The following SDK1 variants were observed in gnomAD, a reference collection of about 807,000 sequenced individuals.
SDK1 encodes the protein sidekick cell adhesion molecule 1, also known as protein sidekick-1.
A neutral mutation model predicts 245.5 loss-of-function variants in SDK1; 157 were observed. That is an observed-to-expected ratio of 0.64 (90% CI 0.56 to 0.73). The LOEUF is 0.73. Ranked by LOEUF, SDK1 falls within the 30% of genes least tolerant of loss-of-function variation. The pLI is 0.00. For missense variants in SDK1, 3,583 were observed against 3,002.3 expected (o/e 1.19, Z -4.52); for synonymous variants, 1,647 against 1,278.5 (o/e 1.29, Z -6.15).
At chr7:4,235,657 C>T (rs540991549) in intron 41 of SDK1, among the ~76,000 whole-genome samples, 22 of 152,332 alleles carry the variant, frequency 1.4e-4, no homozygotes, top group Admixed American at 4.6e-4. Context: ...AGAGCAATTA[C>T]ACATGCACAG....
intron 1 of SDK1, among the ~76,000 whole-genome samples, chr7:3,491,529 C>G (rs909881327): frequency 2.0e-5 from 3 of 152,180 alleles, no homozygotes; most frequent in African/African-American, 7.2e-5. Flanking sequence ...ATTTCTTTTT[C>G]CCCTATTCAT....
chr7:3,833,248 T>C (rs1210951835), intron 5 of SDK1, among the ~76,000 whole-genome samples: 1 of 152,186 alleles, frequency 6.6e-6, no homozygotes, highest in Non-Finnish European at 1.5e-5. Context: ...AAGTCAGTAA[T>C]GGCGAGCATC....
At chr7:3,575,284 A>C (rs976390997) in intron 1 of SDK1, among the ~76,000 whole-genome samples, 4 of 152,094 alleles carry the variant, frequency 2.6e-5, no homozygotes, top group African/African-American at 9.6e-5. Context: ...GACAGCACGC[A>C]TGAATTCTCT....
At chr7:3,554,808 A>G (rs977191270) in intron 1 of SDK1, among the ~76,000 whole-genome samples, 3 of 152,216 alleles carry the variant, frequency 2.0e-5, no homozygotes, top group African/African-American at 4.8e-5. Flanking sequence ...ACAATCTGAA[A>G]AAAGAAATCA....
intron 35 of SDK1, among the ~76,000 whole-genome samples, chr7:4,191,811 A>G (rs553966046): frequency 2.2e-4 from 34 of 152,206 alleles, no homozygotes; most frequent in African/African-American, 7.2e-4. Context: ...CCCACAGAGG[A>G]GGGAAGCGCC....
chr7:3,786,916 C>G (rs1780918604), intron 4 of SDK1, among the ~76,000 whole-genome samples: 1 of 152,206 alleles, frequency 6.6e-6, no homozygotes, highest in African/African-American at 2.4e-5. Flanking sequence ...AGTCATATTA[C>G]TGGAGCTCCA....
In SDK1 at chr7:4,194,322, ATGCACGTATG is replaced by A. The variant is rs1490171569; in HGVS notation, c.5099-11554_5099-11545del. On this transcript the variant is annotated intron_variant, in intron 35 of 44. Transcript: ENST00000404826. ...TGTGTATACATGTATACATATATGT[ATGCACGTATG>A]TGTATACATGTATAGATATATGTAT... Among the ~76,000 whole-genome samples, 194 of 138,952 alleles carry A rather than the reference ATGCACGTATG, an allele frequency of 1.4e-3. 9 individuals carry two copies. Among genetic ancestry groups the A allele is most frequent in the African/African-American group, 2.2e-3 (77 of 34,224 alleles). The allele number at this position is 138,952 out of a possible 152,430, so 91.2% of individuals were successfully genotyped here.
At position 3,496,071 on chromosome 7, in the gene SDK1, C is replaced by T. The variant is rs537617287; in HGVS notation, c.299-123009C>T. On this transcript the variant is annotated intron_variant, in intron 1 of 44. Coordinates refer to ENST00000404826, the MANE Select transcript of SDK1 (RefSeq NM_152744.4). The stretch of plus-strand genomic sequence containing the variant: ...CTTTTTCCCAGGAGAGAGCTGATAA[C>T]GGTCTTTAAGAGCTTGGACCCTGGA... 7.9e-5 allele frequency among the ~76,000 whole-genome samples: 12 copies of T among 152,216 alleles called. No homozygotes were observed. In the South Asian group the frequency reaches 8.3e-4, roughly 11 times the overall value.
At chr7:3,911,922 C>T (rs570604637) in intron 5 of SDK1, among the ~76,000 whole-genome samples, 10 of 152,064 alleles carry the variant, frequency 6.6e-5, no homozygotes, top group South Asian at 2.1e-4. Context: ...GCTGTGGAGA[C>T]GTTTGACTTG....
chr7:3,752,989 C>T (rs1779817128), intron 4 of SDK1, among the ~76,000 whole-genome samples: 1 of 152,160 alleles, frequency 6.6e-6, no homozygotes, highest in Admixed American at 6.5e-5. Flanking sequence ...TATTTCTCCA[C>T]CCTGAAAGAT....
intron 4 of SDK1, among the ~76,000 whole-genome samples, chr7:3,650,841 T>A (rs1782992130): frequency 1.4e-5 from 2 of 138,968 alleles, no homozygotes; most frequent in South Asian, 2.4e-4. Flanking sequence ...TTTTTTTTTT[T>A]AACTTAGTAT....
At chr7:3,386,347 T>G (rs1395846001) in intron 1 of SDK1, among the ~76,000 whole-genome samples, 1 of 152,206 alleles carries the variant, frequency 6.6e-6, no homozygotes, top group Non-Finnish European at 1.5e-5. Flanking sequence ...ATATTTTATG[T>G]AAAACAAAGA....
At chr7:3,479,172 A>C (rs1781434013) in intron 1 of SDK1, among the ~76,000 whole-genome samples, 1 of 152,124 alleles carries the variant, frequency 6.6e-6, no homozygotes, top group Non-Finnish European at 1.5e-5. Flanking sequence ...TTGTAATCCT[A>C]GCACTTTGGG....
chr7:3,613,822 G>A (rs1165986459), intron 1 of SDK1, among the ~76,000 whole-genome samples: 1 of 152,182 alleles, frequency 6.6e-6, no homozygotes, highest in Non-Finnish European at 1.5e-5. Flanking sequence ...CATGTCCTTT[G>A]CAGGGAGATG....
At chr7:3,656,155 C>T (rs4342491) in intron 4 of SDK1, among the ~76,000 whole-genome samples, 41,009 of 151,932 alleles carry the variant, frequency 0.27, 5,725 homozygotes, top group Non-Finnish European at 0.3. Context: ...AATTTTCAGC[C>T]CTTGGTTGGT....
At chr7:3,922,805 C>T (rs938903378) in intron 5 of SDK1, among the ~76,000 whole-genome samples, 3 of 152,144 alleles carry the variant, frequency 2.0e-5, no homozygotes, top group Admixed American at 6.5e-5. Context: ...TTTTCCAAGT[C>T]GGGGAAGTTT....
chr7:4,232,616 C>A (rs1329636267), intron 40 of SDK1, among the ~76,000 whole-genome samples: 1 of 151,896 alleles, frequency 6.6e-6, no homozygotes, highest in South Asian at 2.1e-4. Context: ...CAGGTGCATG[C>A]CACCATGCCT....
chr7:4,079,536 A>G lies in SDK1; in HGVS notation c.3276A>G (p.Pro1092=), dbSNP rs1011359927. Residue 1092 remains proline (P), a synonymous_variant, in exon 22 of 45, where the codon CCA becomes CCG. Transcript: ENST00000404826. ...SPRSATLQFR[P]GYDGKTSISR... ...GCTCCGCCACCCTTCAGTTCCGGCC[A>G]GGCTATGACGGGAAAACGTCCATCT... The G allele has an allele frequency of 1.2e-6, 2 of 1,614,210 alleles. No homozygotes were observed. Among genetic ancestry groups the G allele is most frequent in the Non-Finnish European group, 1.7e-6 (2 of 1,180,046 alleles).
At chr7:3,857,510 C>T (rs1263368132) in intron 5 of SDK1, among the ~76,000 whole-genome samples, 1 of 151,892 alleles carries the variant, frequency 6.6e-6, no homozygotes, top group Non-Finnish European at 1.5e-5. Context: ...TGGTGAGACC[C>T]CATTTCTACA....
Sources: gnomAD v4.1 joint callset for allele counts (sites outside exome capture counted in the v4.1 genomes callset) on GRCh38, gnomAD v4.1.1 for gene constraint, MANE v1.5 for transcripts, NCBI Gene and HGNC (gene_info 2026-07-23, HGNC 2026-07-21) for gene names.